UNC79: variants seen among roughly 807,000 people sequenced by gnomAD.
The protein encoded by UNC79 is protein unc-79 homolog.
In UNC79, 37 loss-of-function variants were observed where a neutral mutation model predicts 283.1. That is an observed-to-expected ratio of 0.13 (90% CI 0.10 to 0.17). The LOEUF (loss-of-function observed/expected upper bound fraction) is 0.17, where lower values mean the gene tolerates loss of function less well. Ranked by LOEUF, UNC79 falls within the 10% of genes least tolerant of loss-of-function variation. The pLI is 1.00. For missense variants in UNC79, 2,272 were observed against 3,211.1 expected, an observed-to-expected ratio of 0.71 and a Z score of 7.07; for synonymous variants, 1,107 against 1,200.2, an observed-to-expected ratio of 0.92 and a Z score of 1.61.
intron 1 of UNC79, among the ~76,000 whole-genome samples, chr14:93,444,785 A>G (rs1243615341): frequency 6.6e-6 from 1 of 152,114 alleles, no homozygotes; most frequent in Non-Finnish European, 1.5e-5. Context: ...TATGATCTTT[A>G]GTACTATCAG....
chr14:93,539,249 G>A (rs1242260065), intron 12 of UNC79, among the ~76,000 whole-genome samples: 9 of 149,674 alleles, frequency 6.0e-5, no homozygotes, highest in South Asian at 2.2e-4. Context: ...ATGGCCGGGC[G>A]CAGTGGCTCG....
exon 43 of UNC79, chr14:93,686,574 T>C (rs765385194): frequency 9.3e-6 from 15 of 1,614,078 alleles, no homozygotes; most frequent in Non-Finnish European, 1.2e-5. Flanking sequence ...TGTTTCAGTG[T>C]GGGACTGCAG....
intron 48 of UNC79, among the ~76,000 whole-genome samples, chr14:93,705,549 AG>A (rs1314057484): frequency 6.6e-6 from 1 of 152,212 alleles, no homozygotes; most frequent in Non-Finnish European, 1.5e-5. Context: ...GAAGAAATTT[AG>A]GACCAAAAGG....
chr14:93,420,597 G>A (rs1271803454), intron 1 of UNC79, among the ~76,000 whole-genome samples: 1 of 151,728 alleles, frequency 6.6e-6, no homozygotes, highest in African/African-American at 2.4e-5. Context: ...CTGCACTATA[G>A]AACAAACAGA....
intron 1 of UNC79, among the ~76,000 whole-genome samples, chr14:93,360,968 C>G (rs1392384383): frequency 6.6e-6 from 1 of 152,022 alleles, no homozygotes; most frequent in Non-Finnish European, 1.5e-5. Context: ...AATCCCAGCA[C>G]TTTGGGAGGC....
At chr14:93,655,189 C>A (rs1291098050) in intron 37 of UNC79, 45 bp from the exon 41 acceptor site, 1 of 1,599,850 alleles carries the variant, frequency 6.3e-7, no homozygotes, top group African/African-American at 1.3e-5. Flanking sequence ...CTATGCATTC[C>A]CGTGCTGTTT....
chr14:93,449,522 G>T (rs1438831362), intron 1 of UNC79, among the ~76,000 whole-genome samples: 1 of 151,922 alleles, frequency 6.6e-6, no homozygotes, highest in Non-Finnish European at 1.5e-5. Flanking sequence ...GGAAGATGAA[G>T]CCAGAGGATC....
rs1316494693 is a variant in UNC79 at position 93,662,724 on chromosome 14, C to T, written c.6636+10C>T. The T allele has an allele frequency of 1.3e-6, 2 of 1,592,242 alleles. No individual in the cohort carries two copies. The highest frequency in any genetic ancestry group is 1.7e-5 in the Admixed American group (1 of 59,196). Reference sequence around the variant, plus strand: ...CCGAGCTTTCACTAAGGTAAGCAAGCTTCCATATGTGTGTTCCTGTGAAAC... The same window carrying T: ...CCGAGCTTTCACTAAGGTAAGCAAGTTTCCATATGTGTGTTCCTGTGAAAC... On this transcript the variant is annotated intron_variant, in intron 40 of 48. Coordinates refer to ENST00000555664, the Ensembl canonical transcript of UNC79.
rs1015343133 is a variant in UNC79 at position 93,688,279 on chromosome 14, C to G, written c.6910-386C>G. On this transcript the variant is annotated intron_variant, in intron 43 of 48. Coordinates refer to ENST00000555664, the Ensembl canonical transcript of UNC79. The surrounding 1 kb of genome is among the most constrained non-coding windows in gnomAD (Gnocchi z 4.0). ...GCTATGAAAAAGAGGCAGAAGGCAG[C>G]ACGGACCTGGCCGGGGAGGTCAGGG... Among the ~76,000 whole-genome samples the G allele has an allele frequency of 6.6e-6, 1 of 152,142 alleles. No homozygotes were observed. Among genetic ancestry groups the G allele is most frequent in the African/African-American group, 2.4e-5 (1 of 41,430 alleles).
intron 35 of UNC79, among the ~76,000 whole-genome samples, chr14:93,652,147 T>C (rs1467214631): frequency 6.6e-6 from 1 of 152,144 alleles, no homozygotes; most frequent in East Asian, 1.9e-4. Flanking sequence ...CTTTTCTTGT[T>C]TCCTCTCTTA....
intron 7 of UNC79, among the ~76,000 whole-genome samples, chr14:93,498,352 G>C (rs2059119992): frequency 6.6e-6 from 1 of 151,944 alleles, no homozygotes; most frequent in Non-Finnish European, 1.5e-5. Flanking sequence ...AGTTCGGGAG[G>C]CCTAGGCGGG....
rs2055847487 is a variant in UNC79, at chr14:93,430,923, G to T, written c.-107G>T. ...CCTAAGGGAGGGGGAAAGCGAGGGG[G>T]TGGGGGGTGGGGGGTATGCACTCTT... On this transcript the variant is annotated 5_prime_UTR_variant, in exon 1 of 49. Coordinates refer to ENST00000555664, the Ensembl canonical transcript of UNC79. This position sits in a 1 kb window ranked among gnomAD's most constrained non-coding sequence, Gnocchi z 4.6. 2.2e-6 allele frequency: 1 copy of T among 458,418 alleles called. No individual in the cohort carries two copies. The highest frequency in any genetic ancestry group is 2.4e-5 in the Admixed American group (1 of 41,468). The allele number at this position is 458,418 out of a possible 1,614,324, so 28.4% of individuals were successfully genotyped here.
chr14:93,400,218 T>C (rs971353135), intron 1 of UNC79, among the ~76,000 whole-genome samples: 1 of 152,180 alleles, frequency 6.6e-6, no homozygotes, highest in Non-Finnish European at 1.5e-5. Context: ...GAGAAGAAAC[T>C]AAGGGAGTAT....
intron 1 of UNC79, among the ~76,000 whole-genome samples, chr14:93,356,851 A>T (rs1338310086): frequency 2.0e-5 from 3 of 152,082 alleles, no homozygotes; most frequent in East Asian, 1.9e-4. Context: ...CAGGTTAAAA[A>T]TTTTTTCCCT....
Position 93,489,738 on chromosome 14 carries a change from C to G in UNC79, c.712+1983C>G, listed in dbSNP as rs527808673. 3.6e-3 allele frequency among the ~76,000 whole-genome samples: 553 copies of G among 152,352 alleles called. 5 individuals are homozygous for G. The highest frequency in any genetic ancestry group is 0.013 in the African/African-American group (532 of 41,586). On this transcript the variant is annotated intron_variant, in intron 5 of 48. Transcript: ENST00000555664. ...TGGTGGCCCTGCATAGCAGCTTTGCCATGTAGGGGTTGGGCCCCCAAGACC... is the reference window on the plus strand; with the variant it reads ...TGGTGGCCCTGCATAGCAGCTTTGCGATGTAGGGGTTGGGCCCCCAAGACC...
intron 1 of UNC79, among the ~76,000 whole-genome samples, chr14:93,447,050 C>T (rs2056482145): frequency 6.6e-6 from 1 of 152,110 alleles, no homozygotes; most frequent in African/African-American, 2.4e-5. Context: ...TGTTTGGAAG[C>T]TCTGTTACTG....
chr14:93,638,068 A>T (rs2068671950), intron 32 of UNC79, among the ~76,000 whole-genome samples: 1 of 152,254 alleles, frequency 6.6e-6, no homozygotes, highest in Non-Finnish European at 1.5e-5. Context: ...CATGAATTTA[A>T]AGTAGTTAAT....
chr14:93,605,125 A>G (rs2065790425), intron 26 of UNC79, among the ~76,000 whole-genome samples, 164 bp downstream of exon 27: 2 of 152,088 alleles, frequency 1.3e-5, no homozygotes, highest in South Asian at 2.1e-4. Flanking sequence ...TGATATGGCA[A>G]TTCTTTCCAT....
At chr14:93,414,388 T>C (rs76336754) in intron 1 of UNC79, among the ~76,000 whole-genome samples, 106,935 of 151,464 alleles carry the variant, frequency 0.71, 38,241 homozygotes, top group Middle Eastern at 0.77. Flanking sequence ...TGATCTATAT[T>C]TCTGTTTTGG....
Sources: gnomAD v4.1 joint callset for allele counts (sites outside exome capture counted in the v4.1 genomes callset) on GRCh38, gnomAD v4.1.1 for gene constraint, Gnocchi (gnomAD v3.1) non-coding constraint, MANE v1.5 for transcripts, NCBI Gene and HGNC (gene_info 2026-07-23, HGNC 2026-07-21) for gene names.